TEKT5: variants seen among roughly 807,000 people sequenced by gnomAD.
TEKT5 encodes tektin-5.
TEKT5 carries 52 observed loss-of-function variants against 48.7 expected under a neutral mutation model. The observed-to-expected ratio is 1.07, with a 90% confidence interval of 0.86 to 1.35. The LOEUF is 1.35. Among genes scored for constraint, TEKT5 ranks in the 40% most tolerant of loss-of-function variants. The probability of loss-of-function intolerance (pLI) is 0.00; values close to 1 mark genes in which losing one functional copy is unlikely to be tolerated. For synonymous variants in TEKT5, 318 were observed against 267.6 expected (o/e 1.19, Z -1.84); for missense variants, 831 against 641.6 (o/e 1.30, Z -3.19).
At position 10,627,626 on chromosome 16, in the gene TEKT5, C is replaced by T. The variant is rs200414450; in HGVS notation, c.1415G>A (p.Arg472His). ...GCGCGGGGTGCAGGGGAAGGTCTTA[C>T]GCATGCCCATGCACTTCTCCTTGTC... ...CIDKEKCMGM[R>H]KTFPCTPRLV... The change falls in exon 7 of 7, where the codon CGT becomes CAT. Residue 472 changes from arginine (R) to histidine (H), a missense_variant. Arg to His is a conservative substitution (Grantham distance 29, BLOSUM62 0). Coordinates refer to ENST00000283025, the MANE Select transcript of TEKT5 (RefSeq NM_144674.2). 40 of 1,614,186 alleles carry T rather than the reference C, an allele frequency of 2.5e-5. No individual in the cohort carries two copies. In the East Asian group the frequency reaches 5.6e-4, roughly 22 times the overall value.
Position 10,680,184 on chromosome 16 carries a change from G to A in TEKT5, c.863+1809C>T, listed in dbSNP as rs79217918. ...CTGCTCACCTTGCCAGTGCCATGGA[G>A]GAGAGCACCTTGTCAGGAAGAGAAG... is the stretch of plus-strand genomic sequence containing the variant. On this transcript the variant is annotated intron_variant, in intron 4 of 6. Transcript: ENST00000283025. 7.1e-3 allele frequency among the ~76,000 whole-genome samples: 1,074 copies of A among 152,340 alleles called. 8 individuals are homozygous for A. The highest frequency in any genetic ancestry group is 0.024 in the African/African-American group (1,014 of 41,584).
chr16:10,647,952 T>C (rs1054295206), intron 5 of TEKT5, among the ~76,000 whole-genome samples: 5 of 152,248 alleles, frequency 3.3e-5, no homozygotes, highest in African/African-American at 9.6e-5. Flanking sequence ...TACACTCTGT[T>C]GTTTGCTTTT....
chr16:10,672,792 CTTCAGGTGT>C (rs2142297829), intron 5 of TEKT5, among the ~76,000 whole-genome samples: 1 of 152,210 alleles, frequency 6.6e-6, no homozygotes, highest in African/African-American at 2.4e-5. Flanking sequence ...GCCCGCACTC[CTTCAGGTGT>C]TATGCCTGCA....
At chr16:10,690,906 C>A (rs1461862809) in intron 1 of TEKT5, among the ~76,000 whole-genome samples, 1 of 152,196 alleles carries the variant, frequency 6.6e-6, no homozygotes, top group African/African-American at 2.4e-5. Context: ...GAGGGGGTCA[C>A]TGACCCGTGC....
chr16:10,633,806 A>G (rs1433804460), intron 6 of TEKT5, among the ~76,000 whole-genome samples: 1 of 152,102 alleles, frequency 6.6e-6, no homozygotes, highest in African/African-American at 2.4e-5. Flanking sequence ...TCGGCCTTCC[A>G]AAGTGGGAGG....
At chr16:10,687,778 T>C (rs1276939416) in intron 3 of TEKT5, among the ~76,000 whole-genome samples, 12 of 152,152 alleles carry the variant, frequency 7.9e-5, no homozygotes, top group Non-Finnish European at 1.5e-4. Flanking sequence ...CAAATAAATA[T>C]GAACATTTAA....
intron 5 of TEKT5, among the ~76,000 whole-genome samples, chr16:10,670,751 T>G (rs990699654): frequency 6.6e-6 from 1 of 152,170 alleles, no homozygotes; most frequent in African/African-American, 2.4e-5. Flanking sequence ...CAGCTGGTGA[T>G]TAAATTATGA....
At position 10,652,351 on chromosome 16, in the gene TEKT5, C is replaced by T. The variant is rs114165730; in HGVS notation, c.1087-16433G>A. 7.3e-3 allele frequency among the ~76,000 whole-genome samples: 1,107 copies of T among 151,994 alleles called. 20 individuals carry two copies. The highest frequency in any genetic ancestry group is 0.022 in the African/African-American group (921 of 41,404). ...GCCAAAGGAAAGTCCTGCCCTCCCA[C>T]TCTCTCCAGGCCAGGTAGAACTATC... is the stretch of plus-strand genomic sequence containing the variant. On this transcript the variant is annotated intron_variant, in intron 5 of 6. Transcript: ENST00000283025.
chr16:10,686,959 T>C (rs577048173), intron 3 of TEKT5, among the ~76,000 whole-genome samples: 1 of 152,224 alleles, frequency 6.6e-6, no homozygotes, highest in East Asian at 1.9e-4. Context: ...CTATAGGATA[T>C]AATGTAAAGT....
intron 4 of TEKT5, among the ~76,000 whole-genome samples, chr16:10,677,352 G>A (rs907996153): frequency 6.8e-6 from 1 of 147,510 alleles, no homozygotes; most frequent in Non-Finnish European, 1.5e-5. Flanking sequence ...GCTCATGGCT[G>A]TAATCCCAGC....
intron 4 of TEKT5, among the ~76,000 whole-genome samples, chr16:10,681,370 ACTCTCTGTCTCTCTCT>A (rs1352164933): frequency 5.8e-4 from 86 of 147,964 alleles, no homozygotes; most frequent in Admixed American, 9.4e-4. Flanking sequence ...TCCAGATTCC[ACTCTCTGTCTCTCTCT>A]CTCTCTCTCT....
chr16:10,634,585 A>G (rs1897887044), intron 6 of TEKT5, among the ~76,000 whole-genome samples: 1 of 152,166 alleles, frequency 6.6e-6, no homozygotes, highest in Non-Finnish European at 1.5e-5. Context: ...CTGGCATCAC[A>G]TCCTTGAGTG....
chr16:10,681,834 C>T (rs1309327878), intron 4 of TEKT5, among the ~76,000 whole-genome samples, 159 bp downstream of exon 4: 2 of 152,094 alleles, frequency 1.3e-5, no homozygotes, highest in Non-Finnish European at 2.9e-5. Context: ...TAAGCTAACC[C>T]GACTTGGATT....
At chr16:10,631,272 A>AAAAG (rs1555464283) in intron 6 of TEKT5, among the ~76,000 whole-genome samples, 1 of 128,856 alleles carries the variant, frequency 7.8e-6, no homozygotes, top group Admixed American at 7.9e-5. Context: ...AAAAAAAAAA[A>AAAAG]AGAGAGAGAG....
At chr16:10,670,629 T>C (rs114295607) in intron 5 of TEKT5, among the ~76,000 whole-genome samples, 7,574 of 152,226 alleles carry the variant, frequency 0.05, 263 homozygotes, top group Middle Eastern at 0.095. Flanking sequence ...TATTTTAGAA[T>C]AACACCATGT....
Position 10,677,513 on chromosome 16 carries a change from G to C in TEKT5, c.864-1332C>G, listed in dbSNP as rs774154052. ...TAATCCCAGCTACTCGGAAGGCTGA[G>C]GCAGGAGAATCACTTGAACTGGGAG... is the stretch of plus-strand genomic sequence containing the variant. On this transcript the variant is annotated intron_variant, in intron 4 of 6. Transcript: ENST00000283025. 8.9e-5 allele frequency among the ~76,000 whole-genome samples: 13 copies of C among 146,626 alleles called. 1 individual carries two copies. Among genetic ancestry groups the C allele is most frequent in the Non-Finnish European group, 1.9e-4 (13 of 67,920 alleles).
chr16:10,672,784 C>T (rs1898570037), intron 5 of TEKT5, among the ~76,000 whole-genome samples: 1 of 152,070 alleles, frequency 6.6e-6, no homozygotes, highest in Non-Finnish European at 1.5e-5. Context: ...TACTATGTGC[C>T]CGCACTCCTT....
intron 5 of TEKT5, among the ~76,000 whole-genome samples, chr16:10,652,021 G>C (rs549268697): frequency 7.6e-6 from 1 of 132,222 alleles, no homozygotes; most frequent in Non-Finnish European, 1.6e-5. Flanking sequence ...ATCCCAGCTC[G>C]AGCACATCCA....
intron 5 of TEKT5, among the ~76,000 whole-genome samples, chr16:10,652,721 A>T (rs563356080): frequency 1.0e-5 from 1 of 99,192 alleles, no homozygotes; most frequent in Non-Finnish European, 1.9e-5. Flanking sequence ...ACACACACAC[A>T]CACCCTCCAG....
Sources: allele counts gnomAD v4.1 joint callset (sites outside exome capture counted in the v4.1 genomes callset), GRCh38; gene constraint gnomAD v4.1.1; transcripts MANE v1.5; gene names NCBI Gene and HGNC (gene_info 2026-07-23, HGNC 2026-07-21).